Variants in SEMA4D observed in about 807,000 individuals in gnomAD.
The protein encoded by SEMA4D is semaphorin-4D.
In SEMA4D, 22 loss-of-function variants were observed where a neutral mutation model predicts 74.8. The observed-to-expected ratio is 0.29, with a 90% CI of 0.21 to 0.42. SEMA4D has a LOEUF of 0.42. Among genes scored for constraint, SEMA4D ranks in the 10% least tolerant of loss-of-function variants. SEMA4D has a pLI of 1.00. For missense variants in SEMA4D, 937 were observed against 1,118.4 expected (o/e 0.84, Z 2.31); for synonymous variants, 445 against 463.7 (o/e 0.96, Z 0.52).
intron 1 of SEMA4D, among the ~76,000 whole-genome samples, chr9:89,477,656 T>C (rs1270105892): frequency 6.6e-6 from 1 of 152,226 alleles, no homozygotes; most frequent in South Asian, 2.1e-4. Flanking sequence ...TACTTATGCA[T>C]GCACGCATGT....
intron 2 of SEMA4D, chr9:89,450,273 G>A: frequency 1.0e-6 from 1 of 972,998 alleles, no homozygotes; most frequent in Non-Finnish European, 1.7e-6. Context: ...CAAGACCAAG[G>A]ATGCAGGAGA....
intron 3 of SEMA4D, among the ~76,000 whole-genome samples, chr9:89,404,412 C>A (rs914762894): frequency 3.3e-5 from 5 of 152,200 alleles, no homozygotes; most frequent in Non-Finnish European, 7.4e-5. Context: ...CTACAGTTGT[C>A]ACAGCCTCTC....
At chr9:89,370,361 A>G (rs937072728) in intron 16 of SEMA4D, among the ~76,000 whole-genome samples, 2 of 139,662 alleles carry the variant, frequency 1.4e-5, no homozygotes, top group Non-Finnish European at 3.0e-5. Flanking sequence ...ATTGTGGTGT[A>G]TCTGTACGTA....
chr9:89,398,122 C>A (rs974148109), intron 5 of SEMA4D, among the ~76,000 whole-genome samples: 4 of 152,278 alleles, frequency 2.6e-5, no homozygotes, highest in Admixed American at 2.6e-4. Flanking sequence ...GTGAGAACTT[C>A]TATCCCTGTT....
intron 1 of SEMA4D, among the ~76,000 whole-genome samples, chr9:89,462,985 A>G (rs12347267): frequency 0.013 from 1,600 of 122,836 alleles, 91 homozygotes; most frequent in Non-Finnish European, 0.02. Flanking sequence ...GGAGCGAGGG[A>G]GAAAGAGAGG....
At chr9:89,367,115 G>A (rs1304645072) in intron 16 of SEMA4D, 1 of 152,590 alleles carries the variant, frequency 6.6e-6, no homozygotes, top group Non-Finnish European at 1.5e-5. Flanking sequence ...TGTTAAAGAA[G>A]TACTTACGTT....
chr9:89,493,107 T>C (rs1825753232), intron 1 of SEMA4D, among the ~76,000 whole-genome samples: 1 of 152,092 alleles, frequency 6.6e-6, no homozygotes, highest in Admixed American at 6.5e-5. Context: ...AGTGCAAGAG[T>C]TGGGAGGGCC....
At chr9:89,430,699 G>T (rs901664222) in intron 2 of SEMA4D, among the ~76,000 whole-genome samples, 1 of 152,228 alleles carries the variant, frequency 6.6e-6, no homozygotes, top group African/African-American at 2.4e-5. Context: ...CAGATGGGCC[G>T]AGCGTGGTGG....
At chr9:89,415,104 A>G (rs967119736) in intron 2 of SEMA4D, among the ~76,000 whole-genome samples, 3 of 152,260 alleles carry the variant, frequency 2.0e-5, no homozygotes, top group African/African-American at 7.2e-5. Context: ...CCAGCATGGT[A>G]GAGATGCAGA....
intron 1 of SEMA4D, among the ~76,000 whole-genome samples, chr9:89,480,823 G>A (rs1004245648): frequency 6.6e-5 from 10 of 152,232 alleles, no homozygotes; most frequent in African/African-American, 2.2e-4. Context: ...CTACAAACTG[G>A]GGGAGTGGGC....
downstream of SEMA4D, among the ~76,000 whole-genome samples, chr9:89,372,754 C>T (rs1317098818): frequency 6.6e-6 from 1 of 152,020 alleles, no homozygotes; most frequent in Non-Finnish European, 1.5e-5. Context: ...TCACTGAGCC[C>T]AGGGTACCAT....
rs117346813 is a variant in SEMA4D, at chr9:89,477,115, G to A, written c.-310+20804C>T. Among the ~76,000 whole-genome samples, 1,408 of 152,276 alleles carry A rather than the reference G, an allele frequency of 9.2e-3. 5 individuals carry two copies. The highest frequency in any genetic ancestry group is 0.015 in the Non-Finnish European group (1,009 of 68,024). ...ATAAGTTCAGTAAGCCTCCTAATGA[G>A]AAGAGACTCCTAAATCCAAGAAACT... On this transcript the variant is annotated intron_variant, in intron 1 of 15. Coordinates refer to ENST00000422704, the MANE Select transcript of SEMA4D (RefSeq NM_001371194.2).
chr9:89,478,212 T>C (rs80068415), intron 1 of SEMA4D, among the ~76,000 whole-genome samples: 222 of 152,002 alleles, frequency 1.5e-3, no homozygotes, highest in African/African-American at 4.4e-3. Flanking sequence ...GCAAAAAGGG[T>C]CTTTCTAGAT....
intron 2 of SEMA4D, among the ~76,000 whole-genome samples, chr9:89,426,957 G>A (rs944331277): frequency 6.6e-6 from 1 of 152,184 alleles, no homozygotes; most frequent in African/African-American, 2.4e-5. Flanking sequence ...CCACACCTGT[G>A]CCCTAGGTCT....
At chr9:89,394,696 G>A (rs1049545159) in intron 6 of SEMA4D, among the ~76,000 whole-genome samples, 2 of 152,208 alleles carry the variant, frequency 1.3e-5, no homozygotes, top group African/African-American at 4.8e-5. Context: ...GTGGAAGGCC[G>A]CAGCTGACAC....
intron 2 of SEMA4D, among the ~76,000 whole-genome samples, chr9:89,451,021 T>C (rs1449317594): frequency 6.6e-6 from 1 of 152,210 alleles, no homozygotes; most frequent in African/African-American, 2.4e-5. Context: ...AAATTCATTG[T>C]CTTCAAGCCC....
At chr9:89,385,935 G>A (rs1017453631) in intron 13 of SEMA4D, 3 of 974,152 alleles carry the variant, frequency 3.1e-6, no homozygotes, top group Non-Finnish European at 3.6e-6. Flanking sequence ...TCAGCCACAG[G>A]TGGAGACAGC....
At chr9:89,450,136 A>G in intron 2 of SEMA4D, 2 of 1,259,414 alleles carry the variant, frequency 1.6e-6, no homozygotes, top group Non-Finnish European at 2.3e-6. Context: ...CTGAAGCAGC[A>G]TGTCATCGAT....
intron 2 of SEMA4D, among the ~76,000 whole-genome samples, chr9:89,446,476 C>T (rs1029622029): frequency 6.6e-6 from 1 of 152,226 alleles, no homozygotes; most frequent in African/African-American, 2.4e-5. Flanking sequence ...ACAGGGCCTG[C>T]TCCAAGGCCA....
Sources: allele counts gnomAD v4.1 joint callset (sites outside exome capture counted in the v4.1 genomes callset), GRCh38; gene constraint gnomAD v4.1.1; transcripts MANE v1.5; gene names NCBI Gene and HGNC (gene_info 2026-07-23, HGNC 2026-07-21).